ERC1: variants seen among roughly 807,000 people sequenced by gnomAD.
ERC1 encodes the protein ELKS/RAB6-interacting/CAST family member 1.
In ERC1, 56 loss-of-function variants were observed where a neutral mutation model predicts 132.0. The ratio of observed to expected loss-of-function variants is 0.42; its 90% confidence interval spans 0.34 to 0.53. The LOEUF (loss-of-function observed/expected upper bound fraction) is 0.53, where lower values mean the gene tolerates loss of function less well. ERC1 is among the 20% of genes least tolerant of loss of function. ERC1 has a pLI of 0.03. For missense variants in ERC1, 1,202 were observed against 1,349.9 expected (o/e 0.89, Z 1.72); for synonymous variants, 478 against 476.1 (o/e 1.00, Z -0.05).
At chr12:1,076,380 A>ATT (rs139225685) in intron 2 of ERC1, among the ~76,000 whole-genome samples, 5 of 140,920 alleles carry the variant, frequency 3.5e-5, no homozygotes, top group African/African-American at 5.3e-5. Context: ...TGTAGAACTG[A>ATT]TTTTTTTTTT....
chr12:1,435,603 A>G (rs1266865732), intron 17 of ERC1, among the ~76,000 whole-genome samples: 3 of 152,200 alleles, frequency 2.0e-5, no homozygotes, highest in Non-Finnish European at 4.4e-5. Flanking sequence ...TTCTTGGGCC[A>G]CTATTTTCAG....
At chr12:1,243,255 G>A (rs181357755) in intron 13 of ERC1, among the ~76,000 whole-genome samples, 191 of 151,878 alleles carry the variant, frequency 1.3e-3, no homozygotes, top group African/African-American at 4.3e-3. Context: ...ATGCGAAGAT[G>A]TGCATAGATT....
intron 7 of ERC1, among the ~76,000 whole-genome samples, chr12:1,125,746 C>T (rs11061643): frequency 1.3e-5 from 2 of 152,152 alleles, no homozygotes; most frequent in South Asian, 2.1e-4. Context: ...ACCCAGGAGG[C>T]GGAGGTTACA....
intron 13 of ERC1, among the ~76,000 whole-genome samples, chr12:1,247,186 G>A (rs964151851): frequency 1.3e-5 from 2 of 151,696 alleles, no homozygotes; most frequent in Non-Finnish European, 2.9e-5. Flanking sequence ...CCCTGTTTGC[G>A]CCACTGCGCT....
intron 12 of ERC1, among the ~76,000 whole-genome samples, chr12:1,193,049 C>G (rs960462856): frequency 1.3e-5 from 2 of 152,158 alleles, no homozygotes; most frequent in Non-Finnish European, 2.9e-5. Context: ...GAGACTGTTA[C>G]AATAATTGAA....
chr12:1,357,525 A>G (rs1357784136), intron 15 of ERC1, among the ~76,000 whole-genome samples: 4 of 152,236 alleles, frequency 2.6e-5, no homozygotes, highest in Non-Finnish European at 1.5e-5. Flanking sequence ...ATGTAAGAAG[A>G]CTTTATTTAC....
chr12:1,009,376 G>A (rs1336082610), intron 1 of ERC1, among the ~76,000 whole-genome samples: 8 of 152,084 alleles, frequency 5.3e-5, no homozygotes, highest in Non-Finnish European at 7.4e-5. Context: ...GGGTTTCACC[G>A]TGTTAGCCAG....
intron 14 of ERC1, among the ~76,000 whole-genome samples, chr12:1,271,648 A>T (rs1330400463): frequency 6.6e-6 from 1 of 152,132 alleles, no homozygotes; most frequent in Non-Finnish European, 1.5e-5. Context: ...ATGGCCTCGA[A>T]CTCCTGGGCT....
rs2093278422 is a variant in ERC1, at chr12:1,445,418, A to G, written c.3213+668A>G. Among the ~76,000 whole-genome samples, 4 of 151,684 alleles carry G rather than the reference A, an allele frequency of 2.6e-5. 1 individual carries two copies. The South Asian group carries it at 8.4e-4, about 32-fold the overall frequency. On this transcript the variant is annotated intron_variant, in intron 18 of 18. Coordinates refer to ENST00000360905, the MANE Select transcript of ERC1 (RefSeq NM_178040.4). Reference sequence around the variant, plus strand: ...CTAGTTTTTTGTGTTTTCAGTAGAGATGGGGTTTCACCAAGCTGGCGAGGC... The same window carrying G: ...CTAGTTTTTTGTGTTTTCAGTAGAGGTGGGGTTTCACCAAGCTGGCGAGGC...
At chr12:1,462,768 A>G (rs1379512598) in intron 18 of ERC1, among the ~76,000 whole-genome samples, 2 of 152,180 alleles carry the variant, frequency 1.3e-5, no homozygotes, top group Admixed American at 6.5e-5. Context: ...AAATTCATCA[A>G]AATTCATTCA....
At chr12:1,174,348 C>T (rs1028993634) in intron 8 of ERC1, among the ~76,000 whole-genome samples, 1 of 152,134 alleles carries the variant, frequency 6.6e-6, no homozygotes, top group Non-Finnish European at 1.5e-5. Context: ...GTTTGTTTCT[C>T]CTCTTTTAGA....
intron 16 of ERC1, among the ~76,000 whole-genome samples, chr12:1,401,159 C>T (rs530070232): frequency 2.0e-5 from 3 of 152,022 alleles, no homozygotes; most frequent in Admixed American, 2.0e-4. Flanking sequence ...TGGTCTCCAT[C>T]TCCTGACCTT....
chr12:1,299,320 A>T (rs1594851909), intron 15 of ERC1, among the ~76,000 whole-genome samples: 1 of 152,216 alleles, frequency 6.6e-6, no homozygotes, highest in East Asian at 1.9e-4. Context: ...AGATATGCTA[A>T]AGTTGTTCTC....
intron 2 of ERC1, among the ~76,000 whole-genome samples, chr12:1,055,388 C>T (rs1247675270): frequency 1.3e-5 from 2 of 152,132 alleles, no homozygotes; most frequent in Admixed American, 6.6e-5. Context: ...CCATGTTGCC[C>T]AGGCTGGTCT....
At chr12:1,002,173 T>A (rs1219529652) in intron 1 of ERC1, among the ~76,000 whole-genome samples, 27 of 110,112 alleles carry the variant, frequency 2.5e-4, no homozygotes, top group African/African-American at 8.5e-4. Flanking sequence ...TTTTTTTTTT[T>A]TTTTTTTTTT....
rs1346448503 is a variant in ERC1, at chr12:1,424,840, TAGATGATAGATA to T, written c.3024+16594_3024+16605del. 3.3e-3 allele frequency among the ~76,000 whole-genome samples: 376 copies of T among 115,556 alleles called. 4 individuals are homozygous for T. The highest frequency in any genetic ancestry group is 0.013 in the African/African-American group (351 of 26,478). The allele number at this position is 115,556 out of a possible 152,430, so 75.8% of individuals were successfully genotyped here. On this transcript the variant is annotated intron_variant, in intron 17 of 18. Transcript: ENST00000360905. ...ATAGATAGATAGATAGATAGATAGA[TAGATGATAGATA>T]GATAGATAGATCGATAGATAGATAG...
intron 1 of ERC1, chr12:998,606 T>A (rs534167121): frequency 2.0e-5 from 3 of 152,250 alleles, no homozygotes; most frequent in Admixed American, 6.5e-5. Context: ...TTGGAAGTGA[T>A]GTGGTATCAC....
chr12:1,418,523 C>T (rs1412216250), intron 17 of ERC1, among the ~76,000 whole-genome samples: 2 of 152,158 alleles, frequency 1.3e-5, no homozygotes, highest in East Asian at 3.9e-4. Flanking sequence ...TGACTGTCTC[C>T]TCTTCATCAT....
chr12:1,205,379 G>GTA (rs1021022984), intron 12 of ERC1, among the ~76,000 whole-genome samples: 2,010 of 145,812 alleles, frequency 0.014, 40 homozygotes, highest in African/African-American at 0.039. Context: ...GTGTGTGTGT[G>GTA]TATATATATA....
Sources: gnomAD v4.1 joint callset for allele counts (sites outside exome capture counted in the v4.1 genomes callset) on GRCh38, gnomAD v4.1.1 for gene constraint, MANE v1.5 for transcripts, NCBI Gene and HGNC (gene_info 2026-07-23, HGNC 2026-07-21) for gene names.